The following PLAG1 variants were observed in gnomAD, a reference collection of about 807,000 sequenced individuals.
PLAG1 encodes zinc finger protein PLAG1.
PLAG1 carries 7 observed loss-of-function variants against 35.5 expected under a neutral mutation model. The ratio of observed to expected loss-of-function variants is 0.20; its 90% confidence interval spans 0.11 to 0.37. The LOEUF (loss-of-function observed/expected upper bound fraction) is 0.37, where lower values mean the gene tolerates loss of function less well. Ranked by LOEUF, PLAG1 falls within the 10% of genes least tolerant of loss-of-function variation. PLAG1 has a pLI of 1.00. For synonymous variants in PLAG1, 229 were observed against 225.4 expected (o/e 1.02, Z -0.14); for missense variants, 454 against 602.8 (o/e 0.75, Z 2.58).
At position 56,168,193 on chromosome 8, in the gene PLAG1, C is replaced by T; in HGVS notation, c.77G>A (p.Gly26Asp). The part of the protein sequence containing the change: ...QKVPSGKRKR[G>D]ETKPRKNFPC... ...AAAGTTTTTTCTTGGTTTGGTTTCA[C>T]CACGCTTACGTTTCCCTGAAGGGAC... The change falls in exon 4 of 5, where the codon GGT becomes GAT. Residue 26 changes from glycine (G) to aspartate (D), a missense_variant. Transcript: ENST00000316981. The T allele has an allele frequency of 3.1e-6, 5 of 1,613,836 alleles. No individual in the cohort carries two copies. Among genetic ancestry groups the T allele is most frequent in the Non-Finnish European group, 4.2e-6 (5 of 1,179,846 alleles).
chr8:56,173,724 C>T (rs1291695023), intron 2 of PLAG1, among the ~76,000 whole-genome samples: 1 of 152,080 alleles, frequency 6.6e-6, no homozygotes, highest in African/African-American at 2.4e-5. Flanking sequence ...AGATGAACAG[C>T]AGTTCAGAAT....
Position 56,166,545 on chromosome 8 carries a change from A to T in PLAG1, c.1201T>A (p.Ser401Thr). ...LDDGAGDLSL[S>T]KSSISISDPL... ...TCACTGATGGAGATAGAGCTTTTGG[A>T]TAGGGAGAGGTCTCCTGCACCATCA... Residue 401 changes from serine to threonine, a missense_variant, in exon 5 of 5, where the codon TCC (serine) becomes ACC (threonine). Physicochemically the swap from Ser to Thr is moderately conservative, Grantham distance 58. Coordinates refer to ENST00000316981, the MANE Select transcript of PLAG1 (RefSeq NM_002655.3). 5 of 1,613,942 alleles carry T rather than the reference A, an allele frequency of 3.1e-6. No homozygotes were observed. The highest frequency in any genetic ancestry group is 4.2e-6 in the Non-Finnish European group (5 of 1,179,918).
intron 1 of PLAG1, among the ~76,000 whole-genome samples, chr8:56,200,847 G>T (rs1029124459): frequency 6.6e-6 from 1 of 151,976 alleles, no homozygotes; most frequent in Non-Finnish European, 1.5e-5. Flanking sequence ...CATTCATTTA[G>T]CATTTTAAAA....
intron 1 of PLAG1, among the ~76,000 whole-genome samples, chr8:56,181,561 C>T (rs531139276): frequency 1.3e-4 from 18 of 134,852 alleles, no homozygotes; most frequent in African/African-American, 4.7e-4. Context: ...ACACCGGGGC[C>T]TGTCATTGGC....
At chr8:56,172,259 A>G (rs1168187807) in intron 2 of PLAG1, among the ~76,000 whole-genome samples, 1 of 152,234 alleles carries the variant, frequency 6.6e-6, no homozygotes, top group East Asian at 1.9e-4. Flanking sequence ...TTCAAGCATC[A>G]TTATAAAAAT....
At chr8:56,191,984 C>T (rs1212615406) in intron 1 of PLAG1, among the ~76,000 whole-genome samples, 1 of 152,116 alleles carries the variant, frequency 6.6e-6, no homozygotes, top group Non-Finnish European at 1.5e-5. Context: ...ATTTTTGGTA[C>T]AGGGAAGATT....
At chr8:56,187,478 T>C (rs1456936773) in intron 1 of PLAG1, among the ~76,000 whole-genome samples, 1 of 152,192 alleles carries the variant, frequency 6.6e-6, no homozygotes, top group East Asian at 1.9e-4. Flanking sequence ...TAGTCTCTCT[T>C]CAGCATTTTC....
At chr8:56,197,541 T>C (rs558108907) in intron 1 of PLAG1, among the ~76,000 whole-genome samples, 1 of 152,330 alleles carries the variant, frequency 6.6e-6, no homozygotes, top group East Asian at 1.9e-4. Context: ...ATTTCTCTCT[T>C]CTTTCTCTGT....
At position 56,166,543 on chromosome 8, in the gene PLAG1, G is replaced by A. The variant is rs1456922220; in HGVS notation, c.1203C>T (p.Ser401=). 1.2e-6 allele frequency: 2 copies of A among 1,613,804 alleles called. No homozygotes were observed. Among genetic ancestry groups the A allele is most frequent in the East Asian group, 4.5e-5 (2 of 44,886 alleles). The part of the protein sequence containing the change: ...LDDGAGDLSL[S]KSSISISDPL... ...GGTCACTGATGGAGATAGAGCTTTT[G>A]GATAGGGAGAGGTCTCCTGCACCAT... Residue 401 remains serine (S), a synonymous_variant, in exon 5 of 5, where the codon TCC becomes TCT. Coordinates refer to ENST00000316981, the MANE Select transcript of PLAG1 (RefSeq NM_002655.3).
At chr8:56,203,419 C>T (rs952760391) in intron 1 of PLAG1, among the ~76,000 whole-genome samples, 19 of 152,016 alleles carry the variant, frequency 1.2e-4, no homozygotes, top group African/African-American at 4.1e-4. Flanking sequence ...TCTTTCAAAA[C>T]GTAATATATG....
At position 56,205,172 on chromosome 8, in the gene PLAG1, G is replaced by C. The variant is rs186903050; in HGVS notation, c.-322+5949C>G. ...AAGTCCATGAAGCAAACTATTCTTA[G>C]ACTGAGGTTTTAAAATTTATTTCAT... On this transcript the variant is annotated intron_variant, in intron 1 of 4. Transcript: ENST00000316981. Among the ~76,000 whole-genome samples the C allele has an allele frequency of 7.1e-3, 1,078 of 151,920 alleles. 10 individuals carry two copies. The highest frequency in any genetic ancestry group is 5.9e-3 in the Non-Finnish European group (398 of 67,768).
intron 1 of PLAG1, among the ~76,000 whole-genome samples, chr8:56,210,232 T>C (rs117642161): frequency 0.012 from 1,838 of 152,326 alleles, 24 homozygotes; most frequent in Non-Finnish European, 0.018. Context: ...ACTTTTACCT[T>C]TAGCGAGAAA....
In PLAG1 at chr8:56,163,264, T is replaced by C. The variant is rs189171827; in HGVS notation, c.*2979A>G. 1.2e-3 allele frequency: 197 copies of C among 159,786 alleles called. 2 individuals are homozygous for C. Among genetic ancestry groups the C allele is most frequent in the African/African-American group, 4.7e-3 (185 of 39,534 alleles). The allele number at this position is 159,786 out of a possible 1,614,324, so 9.9% of individuals were successfully genotyped here. On this transcript the variant is annotated 3_prime_UTR_variant, in exon 5 of 5. Coordinates refer to ENST00000316981, the MANE Select transcript of PLAG1 (RefSeq NM_002655.3). The stretch of plus-strand genomic sequence containing the variant: ...CCAAGCTAAGGCACTACCAGAAATT[T>C]CAAGGATAATGATTCTGGCCACTAG...
chr8:56,195,863 T>A (rs1279630203), intron 1 of PLAG1, among the ~76,000 whole-genome samples: 2 of 152,180 alleles, frequency 1.3e-5, no homozygotes, highest in East Asian at 3.9e-4. Context: ...AGTCTCTCCT[T>A]TGAGCTGTTA....
At chr8:56,176,190 C>T (rs1397201608) in intron 2 of PLAG1, among the ~76,000 whole-genome samples, 1 of 151,956 alleles carries the variant, frequency 6.6e-6, no homozygotes. Flanking sequence ...GCTGGGATTA[C>T]AGGCATGTAC....
chr8:56,198,550 G>A (rs1040418233), intron 1 of PLAG1, among the ~76,000 whole-genome samples: 1 of 152,194 alleles, frequency 6.6e-6, no homozygotes, highest in South Asian at 2.1e-4. Context: ...CCTCATAGAC[G>A]TTACAAGACA....
chr8:56,176,454 A>G (rs931760227), intron 2 of PLAG1, among the ~76,000 whole-genome samples: 1 of 152,184 alleles, frequency 6.6e-6, no homozygotes, highest in Non-Finnish European at 1.5e-5. Flanking sequence ...TTTTATCAAA[A>G]TAAAAAGACT....
chr8:56,187,205 C>T (rs571793853), intron 1 of PLAG1, among the ~76,000 whole-genome samples: 1 of 152,340 alleles, frequency 6.6e-6, no homozygotes, highest in East Asian at 1.9e-4. Flanking sequence ...TTCCCCTGGT[C>T]TCCTTCCCTA....
At chr8:56,207,948 C>T (rs1204988831) in intron 1 of PLAG1, among the ~76,000 whole-genome samples, 5 of 151,984 alleles carry the variant, frequency 3.3e-5, no homozygotes, top group African/African-American at 1.2e-4. Flanking sequence ...TTTTACACCA[C>T]CCTATATGAG....
Sources: gnomAD v4.1 joint callset for allele counts (sites outside exome capture counted in the v4.1 genomes callset) on GRCh38, gnomAD v4.1.1 for gene constraint, MANE v1.5 for transcripts, NCBI Gene and HGNC (gene_info 2026-07-23, HGNC 2026-07-21) for gene names.